PATJ: variants seen among roughly 807,000 people sequenced by gnomAD.
The protein encoded by PATJ is inaD-like protein.
PATJ carries 190 observed loss-of-function variants against 224.9 expected under a neutral mutation model. The ratio of observed to expected loss-of-function variants is 0.84; its 90% CI spans 0.75 to 0.95. The LOEUF (loss-of-function observed/expected upper bound fraction) is 0.95. PATJ is among the 40% of genes least tolerant of loss of function. PATJ has a pLI of 0.00. For synonymous variants in PATJ, 769 were observed against 820.3 expected (o/e 0.94, Z 1.07); for missense variants, 2,121 against 2,270.3 (o/e 0.93, Z 1.34).
intron 32 of PATJ, among the ~76,000 whole-genome samples, chr1:62,082,610 C>T (rs1169748142): frequency 2.6e-5 from 4 of 151,830 alleles, no homozygotes; most frequent in Non-Finnish European, 5.9e-5. Context: ...ATATTTTAGG[C>T]TTATGGGCCA....
At chr1:61,928,022 G>C (rs935754170) in intron 27 of PATJ, among the ~76,000 whole-genome samples, 193 bp downstream of exon 27, 44 of 152,234 alleles carry the variant, frequency 2.9e-4, no homozygotes, top group Admixed American at 2.4e-3. Context: ...CACTGAGAAA[G>C]GGAATATTGA....
intron 20 of PATJ, among the ~76,000 whole-genome samples, chr1:61,869,069 G>A (rs1665853041): frequency 6.6e-6 from 1 of 151,870 alleles, no homozygotes; most frequent in South Asian, 2.1e-4. Context: ...AAGACAAACG[G>A]GTTTTTAGGA....
intron 30 of PATJ, among the ~76,000 whole-genome samples, chr1:62,048,047 T>G (rs1652867465): frequency 6.6e-6 from 1 of 152,206 alleles, no homozygotes; most frequent in African/African-American, 2.4e-5. Flanking sequence ...CTTTCCCAGC[T>G]TTGAATCTTA....
At chr1:61,755,660 GTCTA>G (rs531316168) in intron 1 of PATJ, among the ~76,000 whole-genome samples, 22 of 152,218 alleles carry the variant, frequency 1.4e-4, no homozygotes, top group South Asian at 4.1e-4. Context: ...TTTCAAATTA[GTCTA>G]TCTAAATCAG....
At chr1:61,796,267 G>C (rs1038226318) in intron 10 of PATJ, among the ~76,000 whole-genome samples, 1 of 152,152 alleles carries the variant, frequency 6.6e-6, no homozygotes, top group South Asian at 2.1e-4. Flanking sequence ...GAAGCCTATT[G>C]GTTCTGATAG....
chr1:62,067,031 T>C (rs1273378351), intron 31 of PATJ, among the ~76,000 whole-genome samples: 1 of 151,996 alleles, frequency 6.6e-6, no homozygotes, highest in African/African-American at 2.4e-5. Context: ...TCTTGTGACC[T>C]CTAGCCATAT....
At chr1:61,838,474 C>T (rs1039376126) in intron 17 of PATJ, among the ~76,000 whole-genome samples, 3 of 151,754 alleles carry the variant, frequency 2.0e-5, no homozygotes, top group Non-Finnish European at 4.4e-5. Flanking sequence ...CCTGCCTCAG[C>T]CTCCTGAGTA....
rs1198548462 is a variant in PATJ at position 61,775,253 on chromosome 1, T to C, written c.768T>C (p.Ser256=). The change falls in exon 7 of 44, where the codon TCT becomes TCC. Residue 256 remains serine (S), a synonymous_variant. Transcript: ENST00000642238. ...VEEVELINDG[S]GLGFGIVGGK... Reference sequence around the variant, plus strand: ...AGGTTGAGCTCATTAATGATGGCTCTGGACTAGGTTTTGGAATAGTTGGAG... The same window carrying C: ...AGGTTGAGCTCATTAATGATGGCTCCGGACTAGGTTTTGGAATAGTTGGAG... 1.9e-6 allele frequency: 3 copies of C among 1,613,880 alleles called. No individual in the cohort carries two copies. Among genetic ancestry groups the C allele is most frequent in the South Asian group, 2.2e-5 (2 of 91,028 alleles).
intron 41 of PATJ, among the ~76,000 whole-genome samples, chr1:62,143,768 C>T (rs982078013): frequency 6.6e-6 from 1 of 151,918 alleles, no homozygotes; most frequent in Non-Finnish European, 1.5e-5. Context: ...ATTGTGAGCA[C>T]GTTGGAATGT....
At chr1:62,037,540 G>A (rs1650663973) in intron 29 of PATJ, among the ~76,000 whole-genome samples, 1 of 152,158 alleles carries the variant, frequency 6.6e-6, no homozygotes, top group Admixed American at 6.5e-5. Context: ...GCAAAACAAA[G>A]TTAGAAGCCA....
chr1:61,856,115 C>G lies in PATJ; in HGVS notation c.2198C>G (p.Pro733Arg). ...GVAERSGGLL[P>R]GDRLVSVNEY... The stretch of plus-strand genomic sequence containing the variant: ...GCAGAAAGAAGTGGGGGACTATTAC[C>G]TGGAGACCGCCTGGTCTCAGTCAAT... Residue 733 changes from proline to arginine, a missense_variant, in exon 18 of 44, where the codon CCT becomes CGT. By Grantham distance (103) the Pro-to-Arg change is moderately radical (BLOSUM62 -2). Coordinates refer to ENST00000642238, the MANE Select transcript of PATJ (RefSeq NM_001350145.3). The G allele has an allele frequency of 1.2e-6, 2 of 1,613,792 alleles. No homozygotes were observed. The highest frequency in any genetic ancestry group is 1.7e-6 in the Non-Finnish European group (2 of 1,179,664).
chr1:61,763,305 T>C lies in PATJ; in HGVS notation c.189+126T>C, dbSNP rs377534621. On this transcript the variant is annotated intron_variant, in intron 3 of 43. Coordinates refer to ENST00000642238, the MANE Select transcript of PATJ (RefSeq NM_001350145.3). ...GACTCAGTTCAGCAAAGAGACTGTA[T>C]TGGGACCTGTAACCTATAACCTGTG... 2.8e-4 allele frequency: 137 copies of C among 487,186 alleles called. No individual in the cohort carries two copies. The Middle Eastern group carries it at 2.9e-3, about 10-fold the overall frequency. The allele number at this position is 487,186 out of a possible 1,614,324, so 30.2% of individuals were successfully genotyped here.
At chr1:61,795,643 G>T in intron 10 of PATJ, 85 bp downstream of exon 10, 2 of 679,776 alleles carry the variant, frequency 2.9e-6, no homozygotes, top group South Asian at 2.1e-5. Flanking sequence ...AGGGGGAATA[G>T]CTTAATATAG....
chr1:61,912,307 CAG>C (rs1462390099), intron 25 of PATJ, among the ~76,000 whole-genome samples: 2 of 152,134 alleles, frequency 1.3e-5, no homozygotes, highest in South Asian at 2.1e-4. Flanking sequence ...ATTTGAAAAA[CAG>C]TGGGCTGGGC....
intron 27 of PATJ, among the ~76,000 whole-genome samples, chr1:61,931,542 T>C (rs1352840518): frequency 6.6e-6 from 1 of 152,190 alleles, no homozygotes; most frequent in Admixed American, 6.5e-5. Context: ...GGCAGGTGGA[T>C]CACTTGAGTC....
chr1:61,745,835 C>T (rs1213243731), intron 1 of PATJ, among the ~76,000 whole-genome samples: 2 of 151,780 alleles, frequency 1.3e-5, no homozygotes, highest in Non-Finnish European at 2.9e-5. Context: ...AACTCCTGAC[C>T]TCAGGCGATC....
chr1:62,115,728 A>T (rs183728331), intron 35 of PATJ, among the ~76,000 whole-genome samples: 26 of 151,274 alleles, frequency 1.7e-4, no homozygotes, highest in Non-Finnish European at 2.7e-4. Flanking sequence ...AGTTGCTTTT[A>T]TGCATGTTAT....
At chr1:62,041,092 G>A (rs1651400523) in intron 30 of PATJ, among the ~76,000 whole-genome samples, 1 of 152,140 alleles carries the variant, frequency 6.6e-6, no homozygotes, top group South Asian at 2.1e-4. Context: ...GTCTCTAGGG[G>A]TGGCAACTTG....
At chr1:61,776,873 C>T (rs1646941994) in intron 7 of PATJ, among the ~76,000 whole-genome samples, 1 of 151,934 alleles carries the variant, frequency 6.6e-6, no homozygotes, top group South Asian at 2.1e-4. Flanking sequence ...TTATAGGTGC[C>T]TGCCACAATG....
Sources: allele counts gnomAD v4.1 joint callset (sites outside exome capture counted in the v4.1 genomes callset), GRCh38; gene constraint gnomAD v4.1.1; transcripts MANE v1.5; gene names NCBI Gene and HGNC (gene_info 2026-07-23, HGNC 2026-07-21).